Variants in PLXDC2 observed in about 807,000 individuals in gnomAD.
PLXDC2 encodes the protein plexin domain containing 2.
A neutral mutation model predicts 68.9 loss-of-function variants in PLXDC2; 40 were observed. The ratio of observed to expected loss-of-function variants is 0.58; its 90% CI spans 0.45 to 0.76. PLXDC2 has a LOEUF of 0.76. Among genes scored for constraint, PLXDC2 ranks in the 30% least tolerant of loss-of-function variants. The probability of loss-of-function intolerance (pLI) is 0.00; values close to 1 mark genes in which losing one functional copy is unlikely to be tolerated. For synonymous variants in PLXDC2, 243 were observed against 234.2 expected (o/e 1.04, Z -0.34); for missense variants, 644 against 661.9 (o/e 0.97, Z 0.30).
At chr10:20,163,376 TA>T (rs1266802922) in intron 6 of PLXDC2, among the ~76,000 whole-genome samples, 2 of 152,194 alleles carry the variant, frequency 1.3e-5, no homozygotes. Flanking sequence ...TGGTCAAAAA[TA>T]AGTCAGAGAG....
intron 4 of PLXDC2, among the ~76,000 whole-genome samples, chr10:20,101,148 G>A (rs1482982765): frequency 6.6e-6 from 1 of 152,134 alleles, no homozygotes; most frequent in Admixed American, 6.5e-5. Flanking sequence ...GGGTACAGTG[G>A]CTTCTAAAAA....
chr10:20,164,989 C>A (rs7921236), intron 7 of PLXDC2, among the ~76,000 whole-genome samples: 1 of 151,954 alleles, frequency 6.6e-6, no homozygotes, highest in Non-Finnish European at 1.5e-5. Context: ...GCTTGGCTAA[C>A]TTTTTTTATT....
chr10:20,220,252 A>G (rs1331290058), intron 12 of PLXDC2, among the ~76,000 whole-genome samples: 2 of 152,164 alleles, frequency 1.3e-5, no homozygotes, highest in Non-Finnish European at 2.9e-5. Flanking sequence ...TAGGGCATAA[A>G]GGGACTTTAG....
chr10:19,851,864 T>C (rs1028397653), intron 1 of PLXDC2, among the ~76,000 whole-genome samples: 2 of 152,136 alleles, frequency 1.3e-5, no homozygotes, highest in African/African-American at 2.4e-5. Context: ...CTCTTATTCT[T>C]TGAAGAAGCC....
intron 1 of PLXDC2, among the ~76,000 whole-genome samples, chr10:19,895,540 G>A (rs77931499): frequency 0.014 from 2,106 of 152,094 alleles, 17 homozygotes; most frequent in Non-Finnish European, 0.023. Context: ...TACTTGTGTG[G>A]TATTCATTTT....
At chr10:19,991,347 CT>C (rs35216913) in intron 1 of PLXDC2, among the ~76,000 whole-genome samples, 22,293 of 135,370 alleles carry the variant, frequency 0.16, 1,831 homozygotes, top group Non-Finnish European at 0.22. Context: ...ATCATTTTCC[CT>C]TTTTTTTTTT....
chr10:20,157,306 G>T (rs1834230127), intron 6 of PLXDC2, among the ~76,000 whole-genome samples: 3 of 152,178 alleles, frequency 2.0e-5, no homozygotes. Context: ...AAATGAGTTT[G>T]GAGTAATTCT....
In PLXDC2 at chr10:20,068,170, A is replaced by C; in HGVS notation, c.472A>C (p.Arg158=). ...TTTTCTCTGGTGTTGTTCTTTGCAG[A>C]GAGTGAATCTGTCCTTCGATTTTCC... ...ILSNTHRQAA[R]VNLSFDFPFY... is the part of the protein sequence containing the mutation. Residue 158 remains arginine (R), a splice_region_variant and synonymous_variant, in exon 4 of 14, where the codon AGA becomes CGA. Transcript: ENST00000377252. 6.2e-7 allele frequency: 1 copy of C among 1,611,460 alleles called. No individual in the cohort carries two copies. The highest frequency in any genetic ancestry group is 8.5e-7 in the Non-Finnish European group (1 of 1,178,082).
At chr10:20,191,771 C>T (rs1834768852) in intron 9 of PLXDC2, among the ~76,000 whole-genome samples, 1 of 151,766 alleles carries the variant, frequency 6.6e-6, no homozygotes, top group Non-Finnish European at 1.5e-5. Flanking sequence ...CAAACCTGCA[C>T]GTTGTGCACA....
intron 1 of PLXDC2, among the ~76,000 whole-genome samples, chr10:19,875,117 C>T (rs930703661): frequency 1.3e-5 from 2 of 152,092 alleles, no homozygotes; most frequent in Non-Finnish European, 2.9e-5. Context: ...CAAAGCAGTT[C>T]GTAGGTGCTC....
chr10:19,914,379 G>A (rs1364390949), intron 1 of PLXDC2, among the ~76,000 whole-genome samples: 1 of 152,106 alleles, frequency 6.6e-6, no homozygotes, highest in Non-Finnish European at 1.5e-5. Context: ...TTCTGTCTCA[G>A]TAGATATTCC....
At chr10:20,245,193 G>T in intron 12 of PLXDC2, 152 bp from the exon 13 acceptor site, 1 of 667,284 alleles carries the variant, frequency 1.5e-6, no homozygotes, top group Non-Finnish European at 2.4e-6. Flanking sequence ...CATATGAAGA[G>T]CACGTCACCT....
chr10:20,225,191 A>G (rs1835269531), intron 12 of PLXDC2, among the ~76,000 whole-genome samples: 1 of 152,180 alleles, frequency 6.6e-6, no homozygotes, highest in Non-Finnish European at 1.5e-5. Context: ...TCATCCCGAG[A>G]TAAAATTTTA....
Position 20,118,530 on chromosome 10 carries a change from C to G in PLXDC2, c.542-24765C>G, listed in dbSNP as rs10458695. Among the ~76,000 whole-genome samples the G allele has an allele frequency of 2.6e-5, 4 of 152,178 alleles. No homozygotes were observed. In the East Asian group the frequency reaches 7.7e-4, roughly 29 times the overall value. Reference sequence around the variant, plus strand: ...GGACCAATAGGACATGTCAGGAGTACTGATAGGAGCGGCACTGCACAAAAG... The same window carrying G: ...GGACCAATAGGACATGTCAGGAGTAGTGATAGGAGCGGCACTGCACAAAAG... On this transcript the variant is annotated intron_variant, in intron 4 of 13. Coordinates refer to ENST00000377252, the MANE Select transcript of PLXDC2 (RefSeq NM_032812.9).
intron 2 of PLXDC2, among the ~76,000 whole-genome samples, chr10:20,013,421 A>G (rs1835150747): frequency 6.6e-6 from 1 of 152,212 alleles, no homozygotes; most frequent in African/African-American, 2.4e-5. Context: ...TTACCTAAAA[A>G]TAATGCTCCC....
At chr10:20,083,853 T>G (rs1446622218) in intron 4 of PLXDC2, among the ~76,000 whole-genome samples, 1 of 152,168 alleles carries the variant, frequency 6.6e-6, no homozygotes, top group African/African-American at 2.4e-5. Context: ...TGGATAAAAC[T>G]GAATTAATAT....
intron 1 of PLXDC2, among the ~76,000 whole-genome samples, chr10:19,916,136 G>GTTTT: frequency 8.1e-6 from 1 of 122,728 alleles, no homozygotes; most frequent in East Asian, 2.7e-4. Flanking sequence ...GTTTTGTTTT[G>GTTTT]TTTTTTTTTT....
At chr10:20,204,277 A>G (rs76019795) in intron 9 of PLXDC2, among the ~76,000 whole-genome samples, 4,339 of 152,204 alleles carry the variant, frequency 0.029, 78 homozygotes, top group Middle Eastern at 0.071. Context: ...TTTCAGTTAA[A>G]CTTTTTCAGT....
At position 20,147,869 on chromosome 10, in the gene PLXDC2, C is replaced by T; in HGVS notation, c.750C>T (p.Leu250=). 1 of 1,610,408 alleles carries T rather than the reference C, an allele frequency of 6.2e-7. No homozygotes were observed. Among genetic ancestry groups the T allele is most frequent in the South Asian group, 1.1e-5 (1 of 90,984 alleles). ...LGSFTFQATL[L]MDGRIIFGYK... ...GCTTCACATTCCAGGCAACCCTGCT[C>T]ATGGATGGACGAATCATCTTTGGAT... Residue 250 remains leucine (L), a synonymous_variant, in exon 6 of 14, where the codon CTC becomes CTT. Coordinates refer to ENST00000377252, the MANE Select transcript of PLXDC2 (RefSeq NM_032812.9).
Sources: gnomAD v4.1 joint callset for allele counts (sites outside exome capture counted in the v4.1 genomes callset) on GRCh38, gnomAD v4.1.1 for gene constraint, MANE v1.5 for transcripts, NCBI Gene and HGNC (gene_info 2026-07-23, HGNC 2026-07-21) for gene names.